The following KIF15 variants were observed in gnomAD, a reference collection of about 807,000 sequenced individuals.
KIF15 encodes kinesin family member 15.
KIF15 carries 140 observed loss-of-function variants against 190.6 expected under a neutral mutation model. The observed-to-expected ratio is 0.73, with a 90% CI of 0.64 to 0.84. The LOEUF is 0.84. Among genes scored for constraint, KIF15 ranks in the 40% least tolerant of loss-of-function variants. The pLI is 0.00. For missense variants in KIF15, 1,372 were observed against 1,584.4 expected, an observed-to-expected ratio of 0.87 and a Z score of 2.28; for synonymous variants, 528 against 551.3, an observed-to-expected ratio of 0.96 and a Z score of 0.59.
intron 10 of KIF15, among the ~76,000 whole-genome samples, chr3:44,798,678 A>G (rs1292231447): frequency 3.9e-5 from 6 of 152,192 alleles, no homozygotes; most frequent in Non-Finnish European, 8.8e-5. Flanking sequence ...TGCTGGGATT[A>G]CAGGTGTGAA....
At chr3:44,857,492 C>A (rs1488480114), downstream of KIF15, among the ~76,000 whole-genome samples, 1 of 152,200 alleles carries the variant, frequency 6.6e-6, no homozygotes, top group African/African-American at 2.4e-5. Flanking sequence ...TCCGACTGCA[C>A]AGCCCTGCAC....
intron 16 of KIF15, among the ~76,000 whole-genome samples, chr3:44,808,094 A>G (rs1707599768): frequency 6.6e-6 from 1 of 152,066 alleles, no homozygotes; most frequent in Admixed American, 6.6e-5. Context: ...GTGAGCCACC[A>G]TGCCTGACCA....
intron 6 of KIF15, chr3:44,865,379 G>C (rs1484423935): frequency 4.3e-6 from 3 of 690,082 alleles, no homozygotes; most frequent in African/African-American, 3.6e-5. Context: ...GAAGTGTTTT[G>C]ATCATCTGTA....
chr3:44,775,657 T>A (rs539108889), intron 3 of KIF15, among the ~76,000 whole-genome samples: 1 of 151,892 alleles, frequency 6.6e-6, no homozygotes, highest in East Asian at 2.0e-4. Context: ...GGTTTCACCA[T>A]GTTGGCCAGG....
chr3:44,775,479 A>C (rs765499619), intron 3 of KIF15, 42 bp downstream of exon 3: 21 of 1,430,140 alleles, frequency 1.5e-5, no homozygotes, highest in South Asian at 3.7e-5. Context: ...TTTTTTGAAA[A>C]GGAGTCTCAC....
At position 44,852,430 on chromosome 3, in the gene KIF15, T is replaced by C. The variant is rs1337700580; in HGVS notation, c.4104+91T>C. On this transcript the variant is annotated intron_variant, in intron 34 of 34. Transcript: ENST00000326047. ...AATTAAAACTTAATTATTGAATCAGTTAACTGCTTACTTCAGGGAGCTTCC... is the reference window on the plus strand; with the variant it reads ...AATTAAAACTTAATTATTGAATCAGCTAACTGCTTACTTCAGGGAGCTTCC... 3.1e-6 allele frequency: 4 copies of C among 1,273,830 alleles called. No individual in the cohort carries two copies. The South Asian group carries it at 4.7e-5, about 15-fold the overall frequency. 78.9% of individuals were successfully genotyped at this position (1,273,830 alleles called of 1,614,324 possible).
chr3:44,852,263 T>A lies in KIF15; in HGVS notation c.4028T>A (p.Leu1343Ter), dbSNP rs1279230394. The A allele has an allele frequency of 6.2e-7, 1 of 1,613,486 alleles. No homozygotes were observed. Among genetic ancestry groups the A allele is most frequent in the Non-Finnish European group, 8.5e-7 (1 of 1,179,664 alleles). ...TGTCTTGCTGAGGAAAATGGAAAGT[T>A]GGTAGGTCACCAAAATTTGCATCAG... is the stretch of plus-strand genomic sequence containing the variant. Reference protein sequence around the residue: ...VECLAEENGKLVGHQNLHQKI... With the variant: ...VECLAEENGK Residue 1343 changes from leucine (L) to a stop codon, truncating the protein, a stop_gained, in exon 34 of 35, where the codon TTG becomes TAG. Transcript: ENST00000326047. LOFTEE classifies it high-confidence loss of function.
At chr3:44,853,932 C>A (rs1035079816), downstream of KIF15, among the ~76,000 whole-genome samples, 1 of 152,048 alleles carries the variant, frequency 6.6e-6, no homozygotes, top group African/African-American at 2.4e-5. Flanking sequence ...TATGGCAGGT[C>A]CAGAAAAGGC....
At position 44,851,835 on chromosome 3, in the gene KIF15, T is replaced by C; in HGVS notation, c.3855T>C (p.Leu1285=). 6.2e-7 allele frequency: 1 copy of C among 1,614,050 alleles called. No individual in the cohort carries two copies. Among genetic ancestry groups the C allele is most frequent in the Non-Finnish European group, 8.5e-7 (1 of 1,179,954 alleles). ...TTTACAACAAAGAGATGGAATGCCT[T>C]AGAATGACTGATGAAGTCGAACGAA... ...SALYNKEMEC[L]RMTDEVERTQ... is the part of the protein sequence containing the mutation. Residue 1285 remains leucine (L), a synonymous_variant, in exon 33 of 35, where the codon CTT becomes CTC. Transcript: ENST00000326047.
chr3:44,830,481 A>G (rs958585926), intron 25 of KIF15, among the ~76,000 whole-genome samples: 4 of 152,224 alleles, frequency 2.6e-5, no homozygotes, highest in African/African-American at 9.6e-5. Context: ...GACATTAATT[A>G]GAAAGTGAGT....
At chr3:44,866,823 T>C (rs1161549844) in intron 6 of KIF15, among the ~76,000 whole-genome samples, 1 of 152,212 alleles carries the variant, frequency 6.6e-6, no homozygotes, top group Non-Finnish European at 1.5e-5. Context: ...CCCACCATGC[T>C]GAGTCCCCCC....
intron 20 of KIF15, 45 bp from the exon 21 acceptor site, chr3:44,825,994 C>T: frequency 6.8e-7 from 1 of 1,479,614 alleles, no homozygotes; most frequent in Non-Finnish European, 9.2e-7. Context: ...AATAGAAATA[C>T]ATTAAATGTT....
At position 44,786,407 on chromosome 3, in the gene KIF15, AAG is replaced by A; in HGVS notation, c.475_476del (p.Ser159PhefsTer4). ...DREKEKAGAG[K>X]SFLCKCSFIE... ...TTCTTTTTTACAGGCTGGAGCTGGA[AAG>A]AGTTTCCTTTGTAAGTGTTCCTTTA... On this transcript the variant is annotated frameshift_variant, in exon 7 of 35. Transcript: ENST00000326047. LOFTEE classifies it high-confidence loss of function. 2 of 1,609,094 alleles carry A rather than the reference AAG, an allele frequency of 1.2e-6. No homozygotes were observed. Among genetic ancestry groups the A allele is most frequent in the Non-Finnish European group, 1.7e-6 (2 of 1,176,660 alleles).
At chr3:44,853,437 C>G (rs993383217), downstream of KIF15, among the ~76,000 whole-genome samples, 1 of 152,182 alleles carries the variant, frequency 6.6e-6, no homozygotes, top group African/African-American at 2.4e-5. Flanking sequence ...ATATGCTACA[C>G]TGTCCATCCA....
Position 44,774,378 on chromosome 3 carries a change from A to G in KIF15, c.20-17A>G. Reference sequence around the variant, plus strand: ...ATTACAATTTAAATGACCTTTAATAACTTTTTTTTTTTCTAGCTGAGTTAC... The same window carrying G: ...ATTACAATTTAAATGACCTTTAATAGCTTTTTTTTTTTCTAGCTGAGTTAC... On this transcript the variant is annotated splice_polypyrimidine_tract_variant and intron_variant, in intron 1 of 34. Transcript: ENST00000326047. 3 of 1,594,844 alleles carry G rather than the reference A, an allele frequency of 1.9e-6. No homozygotes were observed. Among genetic ancestry groups the G allele is most frequent in the Non-Finnish European group, 2.6e-6 (3 of 1,164,178 alleles).
chr3:44,775,237 C>T lies in KIF15; in HGVS notation c.63-17C>T, dbSNP rs933617236. 17 of 1,597,850 alleles carry T rather than the reference C, an allele frequency of 1.1e-5. No homozygotes were observed. In the East Asian group the frequency reaches 3.8e-4, roughly 36 times the overall value. On this transcript the variant is annotated splice_polypyrimidine_tract_variant and intron_variant, in intron 2 of 34. Transcript: ENST00000326047. The stretch of plus-strand genomic sequence containing the variant: ...CTTCAATAAACTGAACTGTTACTTT[C>T]TTTTTTTTGTCTTTAGTAATGAAGG...
intron 1 of KIF15, among the ~76,000 whole-genome samples, chr3:44,771,407 T>C (rs1705635708): frequency 6.6e-6 from 1 of 152,158 alleles, no homozygotes; most frequent in Admixed American, 6.5e-5. Flanking sequence ...CCCTAAAATA[T>C]AACCTGAAGA....
At position 44,826,411 on chromosome 3, in the gene KIF15, A is replaced by T; in HGVS notation, c.2737A>T (p.Asn913Tyr). 6.2e-7 allele frequency: 1 copy of T among 1,613,334 alleles called. No individual in the cohort carries two copies. Among genetic ancestry groups the T allele is most frequent in the East Asian group, 2.2e-5 (1 of 44,856 alleles). The change falls in exon 22 of 35, where the codon AAT becomes TAT. Residue 913 changes from asparagine (N) to tyrosine (Y), a missense_variant. Physicochemically the swap from Asn to Tyr is moderately radical, Grantham distance 143 (BLOSUM62 -2). Transcript: ENST00000326047. Reference protein sequence around the residue: ...MELLEAEKERNNKLSLQFEED... With the variant: ...MELLEAEKERYNKLSLQFEED... Reference sequence around the variant, plus strand: ...GCTTCTTGAGGCAGAAAAAGAACGCAATAACAAATTATCATTACAGTTTGA... The same window carrying T: ...GCTTCTTGAGGCAGAAAAAGAACGCTATAACAAATTATCATTACAGTTTGA...
chr3:44,801,711 T>G (rs1707285464), intron 12 of KIF15, 54 bp from the exon 13 acceptor site: 7 of 1,209,812 alleles, frequency 5.8e-6, no homozygotes, highest in East Asian at 2.4e-5. Context: ...CTTACGAAAA[T>G]TTAGGGAAGT....
Sources: gnomAD v4.1 joint callset for allele counts (sites outside exome capture counted in the v4.1 genomes callset) on GRCh38, gnomAD v4.1.1 for gene constraint, MANE v1.5 for transcripts, NCBI Gene and HGNC (gene_info 2026-07-23, HGNC 2026-07-21) for gene names.